Variants in FMN1 observed in about 807,000 individuals in gnomAD.
FMN1 encodes formin-1.
A neutral mutation model predicts 132.4 loss-of-function variants in FMN1; 110 were observed. That is an observed-to-expected ratio of 0.83 (90% confidence interval 0.71 to 0.97). FMN1 has a LOEUF of 0.97. Among genes scored for constraint, FMN1 ranks in the 50% least tolerant of loss-of-function variants. FMN1 has a pLI of 0.00. For missense variants in FMN1, 1,792 were observed against 1,705.3 expected, an observed-to-expected ratio of 1.05 and a Z score of -0.90; for synonymous variants, 722 against 651.7, an observed-to-expected ratio of 1.11 and a Z score of -1.64.
chr15:33,022,171 A>G (rs1453189587), intron 6 of FMN1, among the ~76,000 whole-genome samples: 1 of 152,242 alleles, frequency 6.6e-6, no homozygotes, highest in Non-Finnish European at 1.5e-5. Flanking sequence ...AATGCTATGT[A>G]AATACTTATC....
chr15:32,812,796 T>C (rs1420465336), intron 17 of FMN1, among the ~76,000 whole-genome samples: 2 of 152,256 alleles, frequency 1.3e-5, no homozygotes, highest in Admixed American at 6.5e-5. Flanking sequence ...TACAAAGTGC[T>C]GTTTGCATAC....
intron 17 of FMN1, among the ~76,000 whole-genome samples, chr15:32,831,594 C>T (rs1717618058): frequency 6.6e-6 from 1 of 152,008 alleles, no homozygotes; most frequent in Non-Finnish European, 1.5e-5. Flanking sequence ...TGCATAGGTC[C>T]AGGGAGGCAA....
At chr15:33,044,932 G>A (rs1254487281) in intron 6 of FMN1, among the ~76,000 whole-genome samples, 1 of 152,204 alleles carries the variant, frequency 6.6e-6, no homozygotes, top group Admixed American at 6.5e-5. Context: ...CCAAATGGCA[G>A]GGCTGAAAGA....
At chr15:32,956,304 A>G (rs2061766586) in intron 9 of FMN1, among the ~76,000 whole-genome samples, 1 of 152,184 alleles carries the variant, frequency 6.6e-6, no homozygotes, top group South Asian at 2.1e-4. Flanking sequence ...AATAATACTC[A>G]GATGCAGCAT....
intron 4 of FMN1, among the ~76,000 whole-genome samples, chr15:33,130,698 A>G (rs1429039450): frequency 6.6e-6 from 1 of 152,232 alleles, no homozygotes; most frequent in African/African-American, 2.4e-5. Context: ...AAATAATTTG[A>G]GTCTCCAGTA....
intron 7 of FMN1, among the ~76,000 whole-genome samples, chr15:32,972,797 G>A (rs933884491): frequency 6.6e-6 from 1 of 152,076 alleles, no homozygotes; most frequent in African/African-American, 2.4e-5. Flanking sequence ...ATATTTCCAA[G>A]TATCCTCTGG....
chr15:32,791,021 G>T (rs1268011491), intron 19 of FMN1, among the ~76,000 whole-genome samples: 1 of 152,146 alleles, frequency 6.6e-6, no homozygotes. Context: ...CTTGAAAGAC[G>T]ACTCTATTTT....
intron 4 of FMN1, among the ~76,000 whole-genome samples, chr15:33,102,267 A>G (rs2039323322): frequency 1.3e-5 from 2 of 152,200 alleles, no homozygotes; most frequent in Admixed American, 6.5e-5. Flanking sequence ...ATTCAAAGAC[A>G]TAATTTCCCC....
At chr15:33,039,350 A>G (rs2036322857) in intron 6 of FMN1, among the ~76,000 whole-genome samples, 2 of 152,104 alleles carry the variant, frequency 1.3e-5, no homozygotes, top group African/African-American at 2.4e-5. Flanking sequence ...CTTAGAAAGT[A>G]TGTGTGGCTC....
At chr15:32,963,135 C>T (rs2030780135) in intron 9 of FMN1, among the ~76,000 whole-genome samples, 1 of 149,868 alleles carries the variant, frequency 6.7e-6, no homozygotes, top group South Asian at 2.1e-4. Flanking sequence ...AAATGTGGCA[C>T]ATATACACCA....
intron 9 of FMN1, among the ~76,000 whole-genome samples, chr15:32,943,287 T>C (rs1287635917): frequency 6.6e-6 from 1 of 152,198 alleles, no homozygotes; most frequent in African/African-American, 2.4e-5. Flanking sequence ...GCGTGGAGAA[T>C]TCACATAAAT....
intron 7 of FMN1, among the ~76,000 whole-genome samples, chr15:33,002,860 G>A (rs2034197265): frequency 6.6e-6 from 1 of 152,182 alleles, no homozygotes; most frequent in Non-Finnish European, 1.5e-5. Context: ...ACTGAGGGTT[G>A]TCCATCTGTG....
intron 14 of FMN1, among the ~76,000 whole-genome samples, chr15:32,899,385 G>GT (rs1555489653): frequency 1.3e-5 from 2 of 152,198 alleles, no homozygotes; most frequent in Non-Finnish European, 1.5e-5. Context: ...GGCAGCCTTT[G>GT]TGTCCTGCTC....
chr15:32,877,933 T>A lies in FMN1; in HGVS notation c.3835+10239A>T, dbSNP rs752455998. Among the ~76,000 whole-genome samples the A allele has an allele frequency of 2.6e-4, 40 of 152,308 alleles. 1 individual carries two copies. Among genetic ancestry groups the A allele is most frequent in the Middle Eastern group, 3.4e-3 (1 of 294 alleles). On this transcript the variant is annotated intron_variant, in intron 16 of 20. Coordinates refer to ENST00000616417, the MANE Select transcript of FMN1 (RefSeq NM_001277313.2). ...ACGTGGAAAGTGCTGACCAGCACAGTAAATATAAACATAAAAAAGGTCATA... is the reference window on the plus strand; with the variant it reads ...ACGTGGAAAGTGCTGACCAGCACAGAAAATATAAACATAAAAAAGGTCATA...
At chr15:32,826,246 G>A (rs973646534) in intron 17 of FMN1, among the ~76,000 whole-genome samples, 1 of 152,164 alleles carries the variant, frequency 6.6e-6, no homozygotes, top group Non-Finnish European at 1.5e-5. Context: ...GGGGAGACAC[G>A]TGAGGTCAAG....
intron 16 of FMN1, among the ~76,000 whole-genome samples, chr15:32,884,148 T>A (rs2141459615): frequency 6.6e-6 from 1 of 152,278 alleles, no homozygotes; most frequent in East Asian, 1.9e-4. Flanking sequence ...TATAATAAAT[T>A]AGCACAAACT....
chr15:32,982,378 C>T (rs2032747814), intron 7 of FMN1, among the ~76,000 whole-genome samples: 1 of 152,166 alleles, frequency 6.6e-6, no homozygotes, highest in African/African-American at 2.4e-5. Context: ...AAGTTAAACA[C>T]ACACTTTCCA....
intron 4 of FMN1, among the ~76,000 whole-genome samples, chr15:33,122,767 G>A (rs945826484): frequency 3.9e-5 from 6 of 152,132 alleles, no homozygotes; most frequent in Non-Finnish European, 5.9e-5. Flanking sequence ...GATTGACCAC[G>A]GCAACAGATT....
chr15:32,851,456 G>A (rs1226221444), intron 17 of FMN1, among the ~76,000 whole-genome samples: 1 of 152,172 alleles, frequency 6.6e-6, no homozygotes, highest in Non-Finnish European at 1.5e-5. Flanking sequence ...ATATCATTAT[G>A]ACCATGTTTG....
Sources: gnomAD v4.1 joint callset for allele counts (sites outside exome capture counted in the v4.1 genomes callset) on GRCh38, gnomAD v4.1.1 for gene constraint, MANE v1.5 for transcripts, NCBI Gene and HGNC (gene_info 2026-07-23, HGNC 2026-07-21) for gene names.